THUMPD2: variants seen among roughly 807,000 people sequenced by gnomAD.
THUMPD2 encodes the protein U6 snRNA (guanine-N(2))-methyltransferase THUMPD2.
In THUMPD2, 56 loss-of-function variants were observed where a neutral mutation model predicts 49.4. That is an observed-to-expected ratio of 1.13 (90% CI 0.91 to 1.41). The LOEUF is 1.41. THUMPD2 is among the 40% of genes most tolerant of loss of function. The pLI is 0.00. For synonymous variants in THUMPD2, 237 were observed against 205.2 expected, an observed-to-expected ratio of 1.15 and a Z score of -1.32; for missense variants, 709 against 594.5, an observed-to-expected ratio of 1.19 and a Z score of -2.00.
In THUMPD2 at chr2:39,761,379, T is replaced by C. The variant is rs147366386; in HGVS notation, c.843A>G (p.Gly281=). The change falls in exon 6 of 10, where the codon GGA becomes GGG. Residue 281 remains glycine (G), a synonymous_variant. Transcript: ENST00000505747. The stretch of plus-strand genomic sequence containing the variant: ...TTGCCCACGCTATTGTAGATCGCAG[T>C]CCAGCTGTCTTGATGTAAGCTCTGC... ...LASRAYIKTA[G]LRSTIAWAMA... is the part of the protein sequence containing the mutation. The C allele has an allele frequency of 1.5e-5, 25 of 1,613,722 alleles. No individual in the cohort carries two copies. In the African/African-American group the frequency reaches 3.2e-4, roughly 21 times the overall value.
chr2:39,736,765 T>C lies in THUMPD2; in HGVS notation c.1482A>G (p.Lys494=), dbSNP rs761374618. Residue 494 remains lysine (K), a synonymous_variant, in exon 10 of 10, where the codon AAA becomes AAG. Transcript: ENST00000505747. ...SLGKTDAFIC[K]YKKSHSSGL ...GTCCAGAAGAGTGCGACTTCTTATA[T>C]TTACATATGAACGCATCTGTCTTTC... 7 of 1,613,912 alleles carry C rather than the reference T, an allele frequency of 4.3e-6. No individual in the cohort carries two copies. Among genetic ancestry groups the C allele is most frequent in the Non-Finnish European group, 5.1e-6 (6 of 1,179,988 alleles).
intron 3 of THUMPD2, chr2:39,768,995 G>A: frequency 1.5e-6 from 2 of 1,304,600 alleles, no homozygotes; most frequent in Non-Finnish European, 2.0e-6. Flanking sequence ...GATGAGGTCT[G>A]GTGATGGCAA....
chr2:39,758,459 A>C (rs771224517), intron 6 of THUMPD2, among the ~76,000 whole-genome samples: 2 of 152,166 alleles, frequency 1.3e-5, no homozygotes, highest in African/African-American at 2.4e-5. Flanking sequence ...CAGAAAAAGG[A>C]ACATGTGTGG....
intron 5 of THUMPD2, among the ~76,000 whole-genome samples, chr2:39,763,148 G>C (rs1677047867): frequency 6.6e-6 from 1 of 151,830 alleles, no homozygotes; most frequent in African/African-American, 2.4e-5. Flanking sequence ...TGTGGTTTTT[G>C]ATCCTCTTCT....
intron 6 of THUMPD2, among the ~76,000 whole-genome samples, chr2:39,758,417 G>A (rs1054207775): frequency 6.6e-6 from 1 of 152,126 alleles, no homozygotes; most frequent in Admixed American, 6.5e-5. Context: ...GGCAACTGGC[G>A]CTAAGAGAAG....
chr2:39,754,739 T>C (rs1675869416), intron 8 of THUMPD2, among the ~76,000 whole-genome samples: 1 of 152,232 alleles, frequency 6.6e-6, no homozygotes, highest in Non-Finnish European at 1.5e-5. Context: ...TTCCCCTTCA[T>C]TAAACAGGGT....
intron 8 of THUMPD2, among the ~76,000 whole-genome samples, chr2:39,754,497 A>T (rs767662848): frequency 6.6e-6 from 1 of 152,108 alleles, no homozygotes; most frequent in Non-Finnish European, 1.5e-5. Context: ...ATTCCTCCTG[A>T]TTATAGGTCT....
In THUMPD2 at chr2:39,744,972, CTACA is replaced by C. The variant is rs1426487347; in HGVS notation, c.1079-498_1079-495del. Among the ~76,000 whole-genome samples the C allele has an allele frequency of 7.2e-5, 11 of 152,182 alleles. No homozygotes were observed. In the South Asian group the frequency reaches 1.0e-3, roughly 14 times the overall value. On this transcript the variant is annotated intron_variant, in intron 8 of 9. Transcript: ENST00000505747. ...TTAAGTCCTAAGACTAGAGAAAAGG[CTACA>C]TAATCAATAATCAACACAATGATTA...
chr2:39,774,800 C>T (rs1284756529), intron 1 of THUMPD2, among the ~76,000 whole-genome samples: 1 of 152,014 alleles, frequency 6.6e-6, no homozygotes, highest in Non-Finnish European at 1.5e-5. Context: ...TATATACAAT[C>T]TGTTTTTTTC....
At chr2:39,755,853 G>A (rs1676040574) in intron 7 of THUMPD2, 36 bp downstream of exon 7, 4 of 1,568,712 alleles carry the variant, frequency 2.5e-6, no homozygotes, top group Non-Finnish European at 3.5e-6. Context: ...GATTAAAGTA[G>A]ATAAATTGCT....
intron 8 of THUMPD2, among the ~76,000 whole-genome samples, chr2:39,753,390 C>T (rs957072582): frequency 6.6e-6 from 1 of 152,142 alleles, no homozygotes; most frequent in South Asian, 2.1e-4. Context: ...CAGATGCTCA[C>T]CTTCCAGAAG....
At chr2:39,759,184 G>C (rs1322741551) in intron 6 of THUMPD2, among the ~76,000 whole-genome samples, 1 of 151,904 alleles carries the variant, frequency 6.6e-6, no homozygotes, top group Non-Finnish European at 1.5e-5. Flanking sequence ...AAAGAGAGTA[G>C]TTTAAAGTTA....
chr2:39,768,554 T>C, intron 3 of THUMPD2, 53 bp from the exon 4 acceptor site: 1 of 1,457,788 alleles, frequency 6.9e-7, no homozygotes, highest in South Asian at 1.2e-5. Flanking sequence ...AATTTTAAGT[T>C]TAAATGTCAG....
intron 8 of THUMPD2, among the ~76,000 whole-genome samples, chr2:39,750,378 T>C (rs905172750): frequency 5.9e-5 from 9 of 152,256 alleles, no homozygotes; most frequent in Non-Finnish European, 1.3e-4. Flanking sequence ...TGTATGTTAG[T>C]TGGCCATATG....
At chr2:39,764,988 T>C (rs1677312562) in intron 5 of THUMPD2, among the ~76,000 whole-genome samples, 1 of 152,214 alleles carries the variant, frequency 6.6e-6, no homozygotes, top group African/African-American at 2.4e-5. Context: ...AAAATAATTT[T>C]AAATAATCAA....
intron 1 of THUMPD2, among the ~76,000 whole-genome samples, chr2:39,778,007 T>C (rs1482224710): frequency 3.3e-5 from 5 of 152,200 alleles, no homozygotes; most frequent in African/African-American, 4.8e-5. Flanking sequence ...AACATGATTA[T>C]ATACTCATTC....
intron 8 of THUMPD2, among the ~76,000 whole-genome samples, chr2:39,753,860 T>C (rs1283897131): frequency 6.6e-6 from 1 of 152,198 alleles, no homozygotes; most frequent in African/African-American, 2.4e-5. Flanking sequence ...CTCTTTCTAG[T>C]CTCTCTGTTA....
At chr2:39,771,464 A>G (rs760729473) in intron 2 of THUMPD2, 41 bp downstream of exon 2, 4 of 1,558,982 alleles carry the variant, frequency 2.6e-6, no homozygotes, top group African/African-American at 1.4e-5. Flanking sequence ...AGTACAATGT[A>G]TCATGTGGGT....
chr2:39,755,942 C>G lies in THUMPD2; in HGVS notation c.910G>C (p.Asp304His). Reference sequence around the variant, plus strand: ...ATTGTTCCAAGTCCACACATTGGATCTAAAACAAATGCACCAGCCTGCAGA... The same window carrying G: ...ATTGTTCCAAGTCCACACATTGGATGTAAAACAAATGCACCAGCCTGCAGA... ...ADIKAGAFVLDPMCGLGTILL... is the reference protein window; with the variant it reads ...ADIKAGAFVLHPMCGLGTILL... The change falls in exon 7 of 10, where the codon GAT becomes CAT. Residue 304 changes from aspartate (D) to histidine (H), a missense_variant. Asp to His is a moderately conservative substitution (Grantham distance 81, BLOSUM62 -1). Coordinates refer to ENST00000505747, the MANE Select transcript of THUMPD2 (RefSeq NM_025264.5). 3.1e-6 allele frequency: 5 copies of G among 1,613,714 alleles called. No homozygotes were observed. The highest frequency in any genetic ancestry group is 4.2e-6 in the Non-Finnish European group (5 of 1,179,816).
Sources: allele counts gnomAD v4.1 joint callset (sites outside exome capture counted in the v4.1 genomes callset), GRCh38; gene constraint gnomAD v4.1.1; transcripts MANE v1.5; gene names NCBI Gene and HGNC (gene_info 2026-07-23, HGNC 2026-07-21).